RIMS2: variants seen among roughly 807,000 people sequenced by gnomAD.
RIMS2 encodes the protein regulating synaptic membrane exocytosis protein 2.
RIMS2 carries 59 observed loss-of-function variants against 174.4 expected under a neutral mutation model. The observed-to-expected ratio is 0.34, with a 90% CI of 0.27 to 0.42. The LOEUF (loss-of-function observed/expected upper bound fraction) is 0.42. Among genes scored for constraint, RIMS2 ranks in the 10% least tolerant of loss-of-function variants. The pLI is 1.00. For synonymous variants in RIMS2, 606 were observed against 572.5 expected, an observed-to-expected ratio of 1.06 and a Z score of -0.84; for missense variants, 1,620 against 1,666.3, an observed-to-expected ratio of 0.97 and a Z score of 0.48.
intron 14 of RIMS2, among the ~76,000 whole-genome samples, chr8:103,944,740 G>A (rs940619298): frequency 3.3e-5 from 5 of 151,966 alleles, no homozygotes; most frequent in Non-Finnish European, 5.9e-5. Flanking sequence ...TTACCCATGG[G>A]TAATATAATG....
chr8:104,230,144 T>A (rs2099216953), intron 19 of RIMS2, among the ~76,000 whole-genome samples: 1 of 151,842 alleles, frequency 6.6e-6, no homozygotes, highest in South Asian at 2.1e-4. Context: ...CCAGGCTTGG[T>A]GGTGCATGCA....
rs558409902 is a variant in RIMS2 at position 103,977,482 on chromosome 8, T to G, written c.2927+1976T>G. The G allele has an allele frequency of 3.3e-5, 5 of 152,326 alleles. No homozygotes were observed. The East Asian group carries it at 9.6e-4, about 29-fold the overall frequency. The allele number at this position is 152,326 out of a possible 1,614,324, so 9.4% of individuals were successfully genotyped here. Reference sequence around the variant, plus strand: ...ATGTAAAAGGAAAAACCAAAATGTTTTTGTTCTTTGTACATTCTACTCAAC... The same window carrying G: ...ATGTAAAAGGAAAAACCAAAATGTTGTTGTTCTTTGTACATTCTACTCAAC... On this transcript the variant is annotated intron_variant, in intron 16 of 23. Coordinates refer to ENST00000504942, the Ensembl canonical transcript of RIMS2.
intron 3 of RIMS2, among the ~76,000 whole-genome samples, chr8:103,818,734 C>A (rs1232171100): frequency 6.6e-6 from 1 of 151,866 alleles, no homozygotes; most frequent in African/African-American, 2.4e-5. Flanking sequence ...TAGAAAGGAC[C>A]AGATTCAACA....
At chr8:103,854,171 G>A (rs2099014208) in intron 3 of RIMS2, among the ~76,000 whole-genome samples, 1 of 151,886 alleles carries the variant, frequency 6.6e-6, no homozygotes, top group Non-Finnish European at 1.5e-5. Context: ...TCTTGATTTG[G>A]CACTCAGCCT....
At chr8:103,700,090 C>T (rs1294544193) in intron 2 of RIMS2, among the ~76,000 whole-genome samples, 3 of 152,128 alleles carry the variant, frequency 2.0e-5, no homozygotes, top group East Asian at 1.9e-4. Flanking sequence ...AGGCCAGTTT[C>T]GTTGATAGAG....
chr8:103,624,781 T>C (rs2095738930), intron 1 of RIMS2, among the ~76,000 whole-genome samples: 1 of 152,190 alleles, frequency 6.6e-6, no homozygotes, highest in Non-Finnish European at 1.5e-5. Context: ...GGGATTCTTA[T>C]TATCCTCAAT....
At chr8:104,075,429 A>G (rs2097270591) in intron 19 of RIMS2, among the ~76,000 whole-genome samples, 1 of 152,238 alleles carries the variant, frequency 6.6e-6, no homozygotes, top group Admixed American at 6.5e-5. Context: ...CCTGCTAGGC[A>G]TAGTCTAACA....
At chr8:103,628,419 A>T (rs775261079) in intron 1 of RIMS2, among the ~76,000 whole-genome samples, 4 of 150,036 alleles carry the variant, frequency 2.7e-5, no homozygotes, top group African/African-American at 9.9e-5. Flanking sequence ...CAATGGCACG[A>T]TCTCAGCTCA....
Position 104,013,632 on chromosome 8 carries a change from A to C in RIMS2, c.3224+11A>C. 6.2e-7 allele frequency: 1 copy of C among 1,610,206 alleles called. No homozygotes were observed. Among genetic ancestry groups the C allele is most frequent in the Non-Finnish European group, 8.5e-7 (1 of 1,177,022 alleles). Reference sequence around the variant, plus strand: ...ACCTGCCTTATCGAGGTGAAAGATAAATCAATCAGACTAATTTCCCCTTTG... The same window carrying C: ...ACCTGCCTTATCGAGGTGAAAGATACATCAATCAGACTAATTTCCCCTTTG... On this transcript the variant is annotated intron_variant, in intron 18 of 23. Transcript: ENST00000504942.
chr8:104,193,137 T>C (rs1586969189), intron 19 of RIMS2, among the ~76,000 whole-genome samples: 1 of 119,648 alleles, frequency 8.4e-6, no homozygotes, highest in African/African-American at 4.1e-5. Flanking sequence ...ATTTTCTACA[T>C]GTTTAATGTG....
chr8:103,596,330 TCAC>T lies in RIMS2; in HGVS notation c.176+95271_176+95273del, dbSNP rs947686449. Among the ~76,000 whole-genome samples, 21 of 152,216 alleles carry T rather than the reference TCAC, an allele frequency of 1.4e-4. No individual in the cohort carries two copies. The East Asian group carries it at 3.9e-3, about 28-fold the overall frequency. ...GGTGATCGCCAATTAATTTAAGTGA[TCAC>T]CAATTAAGATGACAGCAAATACTCA... is the stretch of plus-strand genomic sequence containing the variant. On this transcript the variant is annotated intron_variant, in intron 1 of 23. Transcript: ENST00000504942.
intron 2 of RIMS2, among the ~76,000 whole-genome samples, chr8:103,746,350 A>G (rs2097814861): frequency 6.6e-6 from 1 of 152,144 alleles, no homozygotes; most frequent in South Asian, 2.1e-4. Context: ...GTAGCTTTGT[A>G]GTAAGTTTGA....
At chr8:103,938,715 G>A (rs2081880556) in intron 13 of RIMS2, among the ~76,000 whole-genome samples, 1 of 152,144 alleles carries the variant, frequency 6.6e-6, no homozygotes, top group Non-Finnish European at 1.5e-5. Flanking sequence ...AGTCCTTTCT[G>A]CCTATGAGAC....
chr8:104,073,177 A>G (rs2097223348), intron 19 of RIMS2, among the ~76,000 whole-genome samples: 1 of 152,204 alleles, frequency 6.6e-6, no homozygotes, highest in Non-Finnish European at 1.5e-5. Context: ...TGAGTTATAT[A>G]ATGATAAATT....
intron 1 of RIMS2, among the ~76,000 whole-genome samples, chr8:103,657,856 C>G (rs1009273936): frequency 6.6e-6 from 1 of 152,094 alleles, no homozygotes; most frequent in Non-Finnish European, 1.5e-5. Flanking sequence ...TAGGTGAGCA[C>G]AAAGTTCAAT....
chr8:103,553,238 C>T (rs1848863452), intron 1 of RIMS2, among the ~76,000 whole-genome samples: 1 of 152,140 alleles, frequency 6.6e-6, no homozygotes, highest in South Asian at 2.1e-4. Context: ...AAATGTGGCT[C>T]ATATACATCA....
At chr8:104,155,269 G>T (rs1330118779) in intron 19 of RIMS2, among the ~76,000 whole-genome samples, 2 of 151,260 alleles carry the variant, frequency 1.3e-5, no homozygotes, top group Non-Finnish European at 2.9e-5. Context: ...ACCACGCCTG[G>T]CTAATTTTTT....
At chr8:103,748,802 TC>T (rs1169124311) in intron 2 of RIMS2, among the ~76,000 whole-genome samples, 1 of 151,892 alleles carries the variant, frequency 6.6e-6, no homozygotes, top group Non-Finnish European at 1.5e-5. Flanking sequence ...GAATATACAT[TC>T]TACTTTTTTT....
chr8:103,789,749 C>CTTTTTTTTTTTTTTTT (rs11354049), intron 3 of RIMS2, among the ~76,000 whole-genome samples: 1 of 85,186 alleles, frequency 1.2e-5, no homozygotes, highest in Non-Finnish European at 2.2e-5. Flanking sequence ...GGATTGTACT[C>CTTTTTTTTTTTTTTTT]TTTTTTTTTT....
Sources: allele counts gnomAD v4.1 joint callset (sites outside exome capture counted in the v4.1 genomes callset), GRCh38; gene constraint gnomAD v4.1.1; transcripts MANE v1.5; gene names NCBI Gene and HGNC (gene_info 2026-07-23, HGNC 2026-07-21).